The following UBE2G1 variants were observed in gnomAD, a reference collection of about 807,000 sequenced individuals.
UBE2G1 encodes the protein ubiquitin conjugating enzyme E2 G1.
UBE2G1 carries 5 observed loss-of-function variants against 22.7 expected under a neutral mutation model. The ratio of observed to expected loss-of-function variants is 0.22; its 90% CI spans 0.12 to 0.46. The LOEUF is 0.46. Among genes scored for constraint, UBE2G1 ranks in the 20% least tolerant of loss-of-function variants. UBE2G1 has a pLI of 0.99. For synonymous variants in UBE2G1, 74 were observed against 67.5 expected, an observed-to-expected ratio of 1.10 and a Z score of -0.47; for missense variants, 88 against 203.9, an observed-to-expected ratio of 0.43 and a Z score of 3.46.
At chr17:4,284,336 C>T (rs888944975) in intron 4 of UBE2G1, among the ~76,000 whole-genome samples, 21 of 151,848 alleles carry the variant, frequency 1.4e-4, no homozygotes, top group Non-Finnish European at 2.9e-5. Flanking sequence ...TGGTGGCTCA[C>T]ATCTGTAATC....
chr17:4,340,605 T>C (rs1263766956), intron 1 of UBE2G1, among the ~76,000 whole-genome samples: 1 of 152,142 alleles, frequency 6.6e-6, no homozygotes, highest in African/African-American at 2.4e-5. Flanking sequence ...CCTGCCGCCA[T>C]GTTGAAGAAG....
rs1440699220 is a variant in UBE2G1, at chr17:4,331,828, G to A, written c.47-24705C>T. On this transcript the variant is annotated intron_variant, in intron 1 of 5. Transcript: ENST00000396981. ...ATCTTCTGGGCAGAACCCCAGAGAG[G>A]CGCCAGTTCAGTGACCGTCGTACGA... The A allele has an allele frequency of 3.3e-5, 5 of 152,190 alleles. No individual in the cohort carries two copies. In the East Asian group the frequency reaches 9.6e-4, roughly 29 times the overall value. 9.4% of individuals were successfully genotyped at this position (152,190 alleles called of 1,614,324 possible). A position where few individuals can be genotyped will look rare whatever the true frequency, so the allele number is the denominator to read the frequency against.
chr17:4,298,548 TAA>T, intron 2 of UBE2G1, among the ~76,000 whole-genome samples: 1 of 152,064 alleles, frequency 6.6e-6, no homozygotes, highest in Non-Finnish European at 1.5e-5. Flanking sequence ...AGATTAAGTT[TAA>T]AAAAAGAGAC....
Position 4,365,906 on chromosome 17 carries a change from C to T in UBE2G1, c.46+365G>A, listed in dbSNP as rs1970028480. ...CAGCCGGCCCCGAAGGTCCGGCGGC[C>T]CCGGCAGCACCTGAACCCGGGACCC... is the stretch of plus-strand genomic sequence containing the variant. On this transcript the variant is annotated intron_variant, in intron 1 of 5. Coordinates refer to ENST00000396981, the MANE Select transcript of UBE2G1 (RefSeq NM_003342.5). Among the ~76,000 whole-genome samples the T allele has an allele frequency of 2.0e-5, 3 of 152,090 alleles. No homozygotes were observed. The South Asian group carries it at 6.2e-4, about 31-fold the overall frequency.
intron 1 of UBE2G1, among the ~76,000 whole-genome samples, chr17:4,354,354 C>T (rs923031632): frequency 1.1e-4 from 17 of 152,208 alleles, no homozygotes; most frequent in African/African-American, 3.4e-4. Flanking sequence ...ACAAAATGGG[C>T]ATCAAACTTG....
At chr17:4,286,399 T>C (rs1250284696) in intron 4 of UBE2G1, among the ~76,000 whole-genome samples, 50 of 110,454 alleles carry the variant, frequency 4.5e-4, no homozygotes, top group Non-Finnish European at 7.3e-4. Flanking sequence ...AGTGAGACTC[T>C]GTCTCAAAAA....
At chr17:4,298,319 AG>A (rs1344880191) in intron 2 of UBE2G1, among the ~76,000 whole-genome samples, 1 of 152,214 alleles carries the variant, frequency 6.6e-6, no homozygotes, top group East Asian at 1.9e-4. Context: ...AAAAGAAAAA[AG>A]AAAAGAAAGG....
At chr17:4,328,905 T>C (rs1006912206) in intron 1 of UBE2G1, among the ~76,000 whole-genome samples, 2 of 151,756 alleles carry the variant, frequency 1.3e-5, no homozygotes, top group African/African-American at 4.9e-5. Flanking sequence ...GCTAACATGG[T>C]GAAACTCCGT....
rs560116138 is a variant in UBE2G1, at chr17:4,362,034, T to C, written c.46+4237A>G. On this transcript the variant is annotated intron_variant, in intron 1 of 5. Coordinates refer to ENST00000396981, the MANE Select transcript of UBE2G1 (RefSeq NM_003342.5). ...CCACAAAAAGAACTTATGGCCAGGG[T>C]GAAAAGACTATGTTTTTTTGTACTC... Among the ~76,000 whole-genome samples, 203 of 150,470 alleles carry C rather than the reference T, an allele frequency of 1.3e-3. 1 individual carries two copies. The highest frequency in any genetic ancestry group is 2.3e-3 in the South Asian group (11 of 4,752).
intron 2 of UBE2G1, among the ~76,000 whole-genome samples, chr17:4,300,933 C>CA (rs201295780): frequency 0.049 from 5,764 of 117,820 alleles, 393 homozygotes; most frequent in African/African-American, 0.15. Context: ...ACTCTGTTTT[C>CA]AAACAAAAAA....
At chr17:4,362,983 C>A (rs1969986543) in intron 1 of UBE2G1, among the ~76,000 whole-genome samples, 1 of 152,142 alleles carries the variant, frequency 6.6e-6, no homozygotes, top group East Asian at 1.9e-4. Context: ...ATTGGCCAGA[C>A]ACAGTGGAGG....
chr17:4,343,280 C>G (rs1164879399), intron 1 of UBE2G1, among the ~76,000 whole-genome samples: 2 of 152,098 alleles, frequency 1.3e-5, no homozygotes, highest in Non-Finnish European at 2.9e-5. Flanking sequence ...GGCTTAAAGG[C>G]TCTAAAAGTT....
intron 1 of UBE2G1, among the ~76,000 whole-genome samples, chr17:4,317,159 G>C (rs928196304): frequency 1.3e-5 from 2 of 152,018 alleles, no homozygotes; most frequent in Non-Finnish European, 2.9e-5. Context: ...AGACAAGCCT[G>C]GCCAGAATGG....
rs529388917 is a variant in UBE2G1 at position 4,300,776 on chromosome 17, G to A, written c.150-3962C>T. Among the ~76,000 whole-genome samples the A allele has an allele frequency of 1.9e-4, 29 of 150,814 alleles. No homozygotes were observed. The South Asian group carries it at 5.9e-3, about 31-fold the overall frequency. On this transcript the variant is annotated intron_variant, in intron 2 of 5. Transcript: ENST00000396981. The stretch of plus-strand genomic sequence containing the variant: ...TCAGGAGTTCAAGACCAGCATGGCC[G>A]AGATGGTGAAATCCCATCTCTACTA...
intron 1 of UBE2G1, among the ~76,000 whole-genome samples, chr17:4,352,574 G>A (rs1019118581): frequency 1.3e-5 from 2 of 152,188 alleles, no homozygotes; most frequent in African/African-American, 4.8e-5. Context: ...GGGAGGAAAA[G>A]CCAAGAAGAA....
chr17:4,315,267 T>A (rs182047060), intron 1 of UBE2G1, among the ~76,000 whole-genome samples: 52 of 152,256 alleles, frequency 3.4e-4, no homozygotes, highest in African/African-American at 1.2e-3. Context: ...GCATTTAAAA[T>A]TTTCCTCAAA....
intron 1 of UBE2G1, among the ~76,000 whole-genome samples, chr17:4,337,479 C>T (rs1444979206): frequency 6.6e-6 from 1 of 151,578 alleles, no homozygotes; most frequent in South Asian, 2.1e-4. Context: ...ACGGTGAAAC[C>T]CTGACTCTAC....
intron 1 of UBE2G1, among the ~76,000 whole-genome samples, chr17:4,357,520 G>A (rs1250391436): frequency 9.9e-5 from 5 of 50,586 alleles, no homozygotes; most frequent in African/African-American, 2.7e-4. Context: ...GGGGGGGGGG[G>A]TGGGTGTATA....
chr17:4,338,263 T>G (rs1167568919), intron 1 of UBE2G1, among the ~76,000 whole-genome samples: 1 of 151,408 alleles, frequency 6.6e-6, no homozygotes, highest in East Asian at 1.9e-4. Flanking sequence ...AAAACAATTA[T>G]ATGAAATTAG....
Sources: allele counts gnomAD v4.1 joint callset (sites outside exome capture counted in the v4.1 genomes callset), GRCh38; gene constraint gnomAD v4.1.1; transcripts MANE v1.5; gene names NCBI Gene and HGNC (gene_info 2026-07-23, HGNC 2026-07-21).